ST6GALNAC3: variants seen among roughly 807,000 people sequenced by gnomAD.
ST6GALNAC3 encodes the protein ST6 N-acetylgalactosaminide alpha-2,6-sialyltransferase 3.
A neutral mutation model predicts 32.7 loss-of-function variants in ST6GALNAC3; 25 were observed. The ratio of observed to expected loss-of-function variants is 0.76; its 90% CI spans 0.56 to 1.07. The LOEUF (loss-of-function observed/expected upper bound fraction) is 1.07, where lower values mean the gene tolerates loss of function less well. ST6GALNAC3 is among the 50% of genes least tolerant of loss of function. ST6GALNAC3 has a pLI of 0.00. For missense variants in ST6GALNAC3, 355 were observed against 382.4 expected, an observed-to-expected ratio of 0.93 and a Z score of 0.60; for synonymous variants, 129 against 133.1, an observed-to-expected ratio of 0.97 and a Z score of 0.21.
chr1:76,515,876 T>A (rs769074747), intron 3 of ST6GALNAC3, among the ~76,000 whole-genome samples: 7 of 152,196 alleles, frequency 4.6e-5, no homozygotes, highest in Non-Finnish European at 1.0e-4. Context: ...GAATGTGCAT[T>A]CTGTAGCTGT....
intron 1 of ST6GALNAC3, among the ~76,000 whole-genome samples, chr1:76,237,436 A>C (rs954309147): frequency 6.6e-6 from 1 of 152,178 alleles, no homozygotes; most frequent in Non-Finnish European, 1.5e-5. Flanking sequence ...TCTTTAATGC[A>C]GTGAGAGGAG....
At chr1:76,447,499 T>C (rs1478367462) in intron 3 of ST6GALNAC3, among the ~76,000 whole-genome samples, 12 of 152,278 alleles carry the variant, frequency 7.9e-5, no homozygotes, top group African/African-American at 2.9e-4. Flanking sequence ...AGGAGCTGAA[T>C]GTTAATACCC....
intron 3 of ST6GALNAC3, among the ~76,000 whole-genome samples, chr1:76,518,189 T>G (rs1013111992): frequency 6.6e-6 from 1 of 152,014 alleles, no homozygotes; most frequent in Non-Finnish European, 1.5e-5. Context: ...GTACCTATGA[T>G]GTATTATCTT....
chr1:76,630,400 A>G lies in ST6GALNAC3; in HGVS notation c.*1594A>G, dbSNP rs1025185240. On this transcript the variant is annotated 3_prime_UTR_variant, in exon 5 of 5. Coordinates refer to ENST00000328299, the MANE Select transcript of ST6GALNAC3 (RefSeq NM_152996.4). ...GGACAACAGGAGGAAATGAAGGCAG[A>G]GAAATATAGTTTCCTTTCCTAGGAT... 1.0e-6 allele frequency: 1 copy of G among 985,270 alleles called. No homozygotes were observed. 61.0% of individuals were successfully genotyped at this position (985,270 alleles called of 1,614,324 possible). A position where few individuals can be genotyped will look rare whatever the true frequency, so the allele number is the denominator to read the frequency against.
chr1:76,607,887 A>G (rs1303077827), intron 3 of ST6GALNAC3, among the ~76,000 whole-genome samples: 2 of 152,120 alleles, frequency 1.3e-5, no homozygotes, highest in East Asian at 3.9e-4. Flanking sequence ...TGGCCCCATG[A>G]TTGCCCCAAC....
intron 3 of ST6GALNAC3, among the ~76,000 whole-genome samples, chr1:76,523,867 T>C (rs1373097162): frequency 4.6e-5 from 7 of 152,170 alleles, no homozygotes; most frequent in African/African-American, 1.2e-4. Context: ...AAATGTCTAA[T>C]GGTTTCTGTG....
chr1:76,105,395 T>C (rs144900919), intron 1 of ST6GALNAC3, among the ~76,000 whole-genome samples: 349 of 152,324 alleles, frequency 2.3e-3, no homozygotes, highest in African/African-American at 8.0e-3. Context: ...CAGTGAGCTA[T>C]TGTTAAATGA....
chr1:76,434,785 T>G (rs12725077), intron 3 of ST6GALNAC3, among the ~76,000 whole-genome samples: 2 of 85,642 alleles, frequency 2.3e-5, no homozygotes, highest in South Asian at 3.4e-4. Flanking sequence ...TTTTTCTCTG[T>G]TTTTTTTTTT....
chr1:76,156,471 A>G (rs1044853768), intron 1 of ST6GALNAC3, among the ~76,000 whole-genome samples: 9 of 152,028 alleles, frequency 5.9e-5, no homozygotes, highest in East Asian at 1.9e-4. Context: ...GTTTATTTCT[A>G]TCAATATGGA....
At chr1:76,376,186 T>C (rs777057495) in intron 2 of ST6GALNAC3, among the ~76,000 whole-genome samples, 17 of 151,898 alleles carry the variant, frequency 1.1e-4, no homozygotes, top group Non-Finnish European at 2.1e-4. Flanking sequence ...TACAAAGAGA[T>C]CCCATATATC....
intron 3 of ST6GALNAC3, among the ~76,000 whole-genome samples, chr1:76,428,239 A>G (rs1571200268): frequency 1.3e-5 from 2 of 152,022 alleles, no homozygotes; most frequent in East Asian, 3.9e-4. Context: ...CAATTCAAAA[A>G]ATTTCCCAGA....
chr1:76,149,663 A>G (rs1406502182), intron 1 of ST6GALNAC3, among the ~76,000 whole-genome samples: 1 of 151,980 alleles, frequency 6.6e-6, no homozygotes, highest in East Asian at 1.9e-4. Flanking sequence ...AGGTTAAGTA[A>G]TATTCCATTG....
chr1:76,194,568 A>G (rs1654089555), intron 1 of ST6GALNAC3, among the ~76,000 whole-genome samples: 1 of 152,198 alleles, frequency 6.6e-6, no homozygotes, highest in Non-Finnish European at 1.5e-5. Flanking sequence ...TAAAAAATTT[A>G]AGACATTTAA....
intron 1 of ST6GALNAC3, among the ~76,000 whole-genome samples, chr1:76,283,100 C>A (rs752489215): frequency 6.6e-6 from 1 of 152,018 alleles, no homozygotes; most frequent in Non-Finnish European, 1.5e-5. Flanking sequence ...CCCTGAACGC[C>A]CCCATCCCTC....
rs540427119 is a variant in ST6GALNAC3 at position 76,508,218 on chromosome 1, TC to T, written c.623+95803del. On this transcript the variant is annotated intron_variant, in intron 3 of 4. Transcript: ENST00000328299. ...TCTCATAAGGAGTGCACAACCTAGA[TC>T]CGTCGCACGCAGAGTACACAACAGG... Among the ~76,000 whole-genome samples the T allele has an allele frequency of 1.9e-3, 286 of 152,236 alleles. 1 individual carries two copies. Among genetic ancestry groups the T allele is most frequent in the African/African-American group, 6.3e-3 (261 of 41,534 alleles).
chr1:76,630,168 T>C lies in ST6GALNAC3; in HGVS notation c.*1362T>C. The stretch of plus-strand genomic sequence containing the variant: ...TCCAGATTGCTCTACTTGCTAATAT[T>C]TGTATAGAATAGAATTTATGTAAAC... On this transcript the variant is annotated 3_prime_UTR_variant, in exon 5 of 5. Coordinates refer to ENST00000328299, the MANE Select transcript of ST6GALNAC3 (RefSeq NM_152996.4). The C allele has an allele frequency of 1.0e-6, 1 of 985,264 alleles. No homozygotes were observed. The highest frequency in any genetic ancestry group is 6.2e-5 in the Admixed American group (1 of 16,236). The allele number at this position is 985,264 out of a possible 1,614,324, so 61.0% of individuals were successfully genotyped here. A position where few individuals can be genotyped will look rare whatever the true frequency, so the allele number is the denominator to read the frequency against.
intron 2 of ST6GALNAC3, among the ~76,000 whole-genome samples, chr1:76,314,845 G>A (rs1445452185): frequency 2.6e-5 from 4 of 152,076 alleles, no homozygotes; most frequent in African/African-American, 4.8e-5. Flanking sequence ...ACTAGGGAGA[G>A]TCTTGGATCA....
At chr1:76,298,851 A>G (rs1237346103) in intron 1 of ST6GALNAC3, among the ~76,000 whole-genome samples, 1 of 152,068 alleles carries the variant, frequency 6.6e-6, no homozygotes, top group East Asian at 1.9e-4. Flanking sequence ...ATGGGAAAAA[A>G]GAATCACAAT....
intron 3 of ST6GALNAC3, among the ~76,000 whole-genome samples, chr1:76,570,614 A>G (rs1261216655): frequency 6.6e-6 from 1 of 152,106 alleles, no homozygotes; most frequent in Non-Finnish European, 1.5e-5. Flanking sequence ...ATACTAACAC[A>G]TGAATAAACT....
Sources: allele counts gnomAD v4.1 joint callset (sites outside exome capture counted in the v4.1 genomes callset), GRCh38; gene constraint gnomAD v4.1.1; transcripts MANE v1.5; gene names NCBI Gene and HGNC (gene_info 2026-07-23, HGNC 2026-07-21).